THEMIS: variants seen among roughly 807,000 people sequenced by gnomAD.
THEMIS encodes protein THEMIS.
Under a neutral mutation model 52.6 loss-of-function variants are expected in THEMIS, and 37 were observed. The observed-to-expected ratio is 0.70, with a 90% confidence interval of 0.54 to 0.93. The LOEUF is 0.93. Ranked by LOEUF, THEMIS falls within the 40% of genes least tolerant of loss-of-function variation. The pLI is 0.00. For synonymous variants in THEMIS, 292 were observed against 272.7 expected (o/e 1.07, Z -0.70); for missense variants, 808 against 763.1 (o/e 1.06, Z -0.69).
chr6:127,899,202 CT>C (rs1194376306), intron 1 of THEMIS, among the ~76,000 whole-genome samples: 1 of 151,732 alleles, frequency 6.6e-6, no homozygotes, highest in African/African-American at 2.4e-5. Flanking sequence ...TTATTACACA[CT>C]GTATCAAAAT....
intron 4 of THEMIS, among the ~76,000 whole-genome samples, chr6:127,741,401 A>G (rs1443791592): frequency 6.6e-6 from 1 of 152,224 alleles, no homozygotes; most frequent in East Asian, 1.9e-4. Context: ...TTGCAATATT[A>G]TAGACTTAGA....
intron 4 of THEMIS, among the ~76,000 whole-genome samples, chr6:127,720,492 G>C (rs962142241): frequency 6.6e-6 from 1 of 151,862 alleles, no homozygotes; most frequent in African/African-American, 2.4e-5. Flanking sequence ...ACTTCAATTG[G>C]AAATTAAACT....
intron 4 of THEMIS, among the ~76,000 whole-genome samples, chr6:127,795,103 T>C (rs1286908502): frequency 1.3e-5 from 2 of 152,206 alleles, no homozygotes; most frequent in East Asian, 3.8e-4. Context: ...TGAAAGTTCC[T>C]AATGCTCAAG....
chr6:127,718,458 A>G (rs1388209644), intron 5 of THEMIS, among the ~76,000 whole-genome samples: 1 of 151,938 alleles, frequency 6.6e-6, no homozygotes, highest in South Asian at 2.1e-4. Flanking sequence ...CAAGGCACAA[A>G]GCTGGGACTA....
chr6:127,902,762 C>A (rs571735131), upstream of THEMIS, among the ~76,000 whole-genome samples: 3 of 152,094 alleles, frequency 2.0e-5, no homozygotes, highest in African/African-American at 7.2e-5. Flanking sequence ...TACCCCTCCC[C>A]ACAGTTTACA....
intron 3 of THEMIS, among the ~76,000 whole-genome samples, chr6:127,825,560 G>T (rs757926045): frequency 1.8e-4 from 27 of 152,132 alleles, no homozygotes; most frequent in Non-Finnish European, 2.9e-4. Context: ...ATAAAAATTG[G>T]AAGAAAGTCA....
At chr6:127,775,911 T>C (rs919007297) in intron 4 of THEMIS, among the ~76,000 whole-genome samples, 1 of 152,174 alleles carries the variant, frequency 6.6e-6, no homozygotes, top group African/African-American at 2.4e-5. Flanking sequence ...TTGCCAGATA[T>C]ATGTATCTCT....
intron 2 of THEMIS, among the ~76,000 whole-genome samples, chr6:127,835,677 T>C (rs1452514057): frequency 6.6e-6 from 1 of 152,166 alleles, no homozygotes; most frequent in Non-Finnish European, 1.5e-5. Context: ...TTAGATATTC[T>C]AGCCTGGATC....
intron 1 of THEMIS, among the ~76,000 whole-genome samples, chr6:127,882,465 A>G (rs1402921144): frequency 6.6e-6 from 1 of 151,908 alleles, no homozygotes; most frequent in African/African-American, 2.4e-5. Context: ...GCTTAGATAT[A>G]GAAAGTTTAC....
chr6:127,711,436 C>T (rs1181985324), intron 5 of THEMIS, among the ~76,000 whole-genome samples: 1 of 151,898 alleles, frequency 6.6e-6, no homozygotes, highest in Non-Finnish European at 1.5e-5. Flanking sequence ...GGTAATTTCC[C>T]TAATCATCTG....
intron 1 of THEMIS, among the ~76,000 whole-genome samples, chr6:127,872,027 A>G (rs1780173238): frequency 6.6e-6 from 1 of 152,184 alleles, no homozygotes; most frequent in Admixed American, 6.5e-5. Context: ...AAATAAACCA[A>G]TTCATTAATA....
At chr6:127,878,050 C>T (rs1780367695) in intron 1 of THEMIS, among the ~76,000 whole-genome samples, 1 of 152,210 alleles carries the variant, frequency 6.6e-6, no homozygotes, top group Admixed American at 6.5e-5. Flanking sequence ...CTTAAAACAA[C>T]TACCGCAAAT....
At chr6:127,872,817 T>C (rs1378408621) in intron 1 of THEMIS, among the ~76,000 whole-genome samples, 1 of 151,862 alleles carries the variant, frequency 6.6e-6, no homozygotes, top group Non-Finnish European at 1.5e-5. Context: ...AAAATAAAAA[T>C]CATACACCTT....
At chr6:127,703,338 C>T (rs978701883), downstream of THEMIS, among the ~76,000 whole-genome samples, 4 of 152,248 alleles carry the variant, frequency 2.6e-5, no homozygotes, top group East Asian at 1.9e-4. Flanking sequence ...TGAGACACCG[C>T]GCCCGGCTAG....
intron 1 of THEMIS, among the ~76,000 whole-genome samples, chr6:127,906,225 A>G (rs1325059931): frequency 6.6e-6 from 1 of 151,622 alleles, no homozygotes; most frequent in Non-Finnish European, 1.5e-5. Context: ...ATGAAACTAC[A>G]TCAATATTAC....
intron 2 of THEMIS, among the ~76,000 whole-genome samples, chr6:127,830,347 GAC>G (rs1481171524): frequency 3.3e-5 from 5 of 152,044 alleles, no homozygotes; most frequent in Non-Finnish European, 5.9e-5. Context: ...ATATTCTCTA[GAC>G]ACACTAAAAT....
chr6:127,821,586 T>C (rs1003294623), intron 3 of THEMIS, among the ~76,000 whole-genome samples: 4 of 151,590 alleles, frequency 2.6e-5, no homozygotes, highest in African/African-American at 9.8e-5. Context: ...GTTACTTCTT[T>C]ATGTTGCTGA....
chr6:127,899,252 T>G (rs1192421118), intron 1 of THEMIS, among the ~76,000 whole-genome samples: 1 of 151,808 alleles, frequency 6.6e-6, no homozygotes. Flanking sequence ...ATATTATGTA[T>G]CTATAAAAAC....
chr6:127,846,273 T>A (rs1386313071), intron 2 of THEMIS, among the ~76,000 whole-genome samples: 3 of 151,850 alleles, frequency 2.0e-5, no homozygotes, highest in Non-Finnish European at 4.4e-5. Flanking sequence ...ATTGCCACAT[T>A]ATAGCATTTA....
Sources: gnomAD v4.1 joint callset for allele counts (sites outside exome capture counted in the v4.1 genomes callset) on GRCh38, gnomAD v4.1.1 for gene constraint, MANE v1.5 for transcripts, NCBI Gene and HGNC (gene_info 2026-07-23, HGNC 2026-07-21) for gene names.